Variants in GLB1L2 observed in about 807,000 individuals in gnomAD.
GLB1L2 encodes the protein beta-galactosidase-1-like protein 2.
GLB1L2 carries 68 observed loss-of-function variants against 84.1 expected under a neutral mutation model. That is an observed-to-expected ratio of 0.81 (90% CI 0.67 to 0.99). GLB1L2 has a LOEUF of 0.99. Ranked by LOEUF, GLB1L2 falls within the 50% of genes least tolerant of loss-of-function variation. GLB1L2 has a pLI of 0.00. For missense variants in GLB1L2, 762 were observed against 805.6 expected, an observed-to-expected ratio of 0.95 and a Z score of 0.66; for synonymous variants, 290 against 318.0, an observed-to-expected ratio of 0.91 and a Z score of 0.94.
At position 134,332,032 on chromosome 11, in the gene GLB1L2, A is replaced by G; in HGVS notation, c.-30A>G. On this transcript the variant is annotated 5_prime_UTR_variant, in exon 1 of 19. Coordinates refer to ENST00000535456, the MANE Select transcript of GLB1L2 (RefSeq NM_001370461.1). ...CGGCTGAGTGCGGACTGGAGTGGGA[A>G]CCCGGGTCCCCGCGCTTAGAGAACA... The G allele has an allele frequency of 1.3e-6, 2 of 1,503,684 alleles. No homozygotes were observed. The highest frequency in any genetic ancestry group is 2.6e-5 in the East Asian group (1 of 38,604). 93.1% of individuals were successfully genotyped at this position (1,503,684 alleles called of 1,614,324 possible). A position where few individuals can be genotyped will look rare whatever the true frequency, so the allele number is the denominator to read the frequency against.
intron 5 of GLB1L2, among the ~76,000 whole-genome samples, chr11:134,351,707 C>T (rs1287332153): frequency 1.3e-5 from 2 of 152,180 alleles, no homozygotes; most frequent in African/African-American, 2.4e-5. Flanking sequence ...CCCATTTGAT[C>T]ATGGTTTATA....
intron 7 of GLB1L2, chr11:134,359,504 C>G (rs1943752707): frequency 5.5e-6 from 1 of 183,094 alleles, no homozygotes; most frequent in Admixed American, 6.2e-5. Context: ...CTCCATTCCG[C>G]CTGGCACCTA....
intron 15 of GLB1L2, among the ~76,000 whole-genome samples, chr11:134,373,065 C>G (rs910415807): frequency 6.6e-6 from 1 of 152,176 alleles, no homozygotes; most frequent in East Asian, 1.9e-4. Flanking sequence ...GAGAAATGCG[C>G]GTGCCCACAT....
At chr11:134,345,996 T>C (rs996373772) in intron 4 of GLB1L2, among the ~76,000 whole-genome samples, 4 of 152,138 alleles carry the variant, frequency 2.6e-5, no homozygotes, top group African/African-American at 4.8e-5. Context: ...CTCAACATTG[T>C]GGCCTTTAAG....
At position 134,370,811 on chromosome 11, in the gene GLB1L2, C is replaced by T. The variant is rs1356335529; in HGVS notation, c.1216-197C>T. Among the ~76,000 whole-genome samples, 4 of 152,176 alleles carry T rather than the reference C, an allele frequency of 2.6e-5. No homozygotes were observed. Among genetic ancestry groups the T allele is most frequent in the African/African-American group, 4.8e-5 (2 of 41,442 alleles). On this transcript the variant is annotated intron_variant, in intron 12 of 18. Transcript: ENST00000535456. This position sits in a 1 kb window ranked among gnomAD's most constrained non-coding sequence, Gnocchi z 4.7. ...GTGTCCCCTGCCTGCGGACTGCACT[C>T]TGCTGGTGCACACCCCTTTGCCCCA...
chr11:134,342,823 G>A lies in GLB1L2; in HGVS notation c.156G>A (p.Trp52Ter), dbSNP rs751462054. ...AGCTGGGGCTGCAGGCCAAGGGCTG[G>A]AACTTCATGCTGGAGGATTCCACCT... ...HRQLGLQAKGWNFMLEDSTFW... is the reference protein window; with the variant it reads ...HRQLGLQAKG The change falls in exon 2 of 19, where the codon TGG (tryptophan) becomes TGA (stop). Residue 52 changes from tryptophan to a stop codon, truncating the protein, a stop_gained. Coordinates refer to ENST00000535456, the MANE Select transcript of GLB1L2 (RefSeq NM_001370461.1). LOFTEE classifies it high-confidence loss of function. The A allele has an allele frequency of 2.5e-6, 4 of 1,614,044 alleles. No individual in the cohort carries two copies. The Admixed American group carries it at 6.7e-5, about 27-fold the overall frequency.
rs946659432 is a variant in GLB1L2, at chr11:134,339,576, CTTG to C, written c.87-3172_87-3170del. ...GATAACAGCTAGATTGTTTTTTATT[CTTG>C]TTGTTTATTTCATTCCTCTTGCTAT... On this transcript the variant is annotated intron_variant, in intron 1 of 18. Transcript: ENST00000535456. This position sits in a 1 kb window ranked among gnomAD's most constrained non-coding sequence, Gnocchi z 5.7. Among the ~76,000 whole-genome samples, 2 of 151,920 alleles carry C rather than the reference CTTG, an allele frequency of 1.3e-5. No individual in the cohort carries two copies. The highest frequency in any genetic ancestry group is 4.8e-5 in the African/African-American group (2 of 41,378).
intron 1 of GLB1L2, among the ~76,000 whole-genome samples, chr11:134,337,947 TTA>T (rs1361555491): frequency 2.2e-4 from 33 of 152,202 alleles, no homozygotes; most frequent in Admixed American, 1.4e-3. Flanking sequence ...TGTGAACACG[TTA>T]TGTTATAGCA....
At chr11:134,365,644 A>G (rs1272316046) in intron 8 of GLB1L2, among the ~76,000 whole-genome samples, 1 of 152,234 alleles carries the variant, frequency 6.6e-6, no homozygotes, top group Non-Finnish European at 1.5e-5. Context: ...TTAGCCTTCA[A>G]GGTCATCCTT....
chr11:134,346,305 A>G (rs1424344281), intron 4 of GLB1L2: 1 of 152,846 alleles, frequency 6.5e-6, no homozygotes, highest in Non-Finnish European at 1.5e-5. Context: ...TGTGGATTAG[A>G]AAGCTGTGTG....
In GLB1L2 at chr11:134,370,449, C is replaced by T. The variant is rs530304754; in HGVS notation, c.1215+50C>T. The T allele has an allele frequency of 1.4e-5, 21 of 1,454,236 alleles. No homozygotes were observed. The highest frequency in any genetic ancestry group is 2.3e-5 in the East Asian group (1 of 44,010). The allele number at this position is 1,454,236 out of a possible 1,614,324, so 90.1% of individuals were successfully genotyped here. A position where few individuals can be genotyped will look rare whatever the true frequency, so the allele number is the denominator to read the frequency against. On this transcript the variant is annotated intron_variant, in intron 12 of 18. Transcript: ENST00000535456. The surrounding 1 kb of genome is among the most constrained non-coding windows in gnomAD (Gnocchi z 4.7). Reference sequence around the variant, plus strand: ...GAGGTGAGTGAGTGCCGGGGGCAGTCGTTGGCAGGGAGGTGAGTGCTGGGG... The same window carrying T: ...GAGGTGAGTGAGTGCCGGGGGCAGTTGTTGGCAGGGAGGTGAGTGCTGGGG...
rs115688592 is a variant in GLB1L2, at chr11:134,344,967, C to T, written c.354-67C>T. 3,130 of 1,523,674 alleles carry T rather than the reference C, an allele frequency of 2.1e-3. 8 individuals carry two copies. In the African/African-American group the frequency reaches 0.038, roughly 19 times the overall value. The allele number at this position is 1,523,674 out of a possible 1,614,324, so 94.4% of individuals were successfully genotyped here. A position where few individuals can be genotyped will look rare whatever the true frequency, so the allele number is the denominator to read the frequency against. ...CAGGCAGCTCCTCCACCCTGTGATG[C>T]GCGTGGCCCCCACCCGGCCTCATCC... On this transcript the variant is annotated intron_variant, in intron 3 of 18. Transcript: ENST00000535456.
intron 1 of GLB1L2, among the ~76,000 whole-genome samples, chr11:134,335,761 A>G (rs1283981471): frequency 6.6e-6 from 1 of 152,080 alleles, no homozygotes; most frequent in Non-Finnish European, 1.5e-5. Flanking sequence ...GTAGTCCTTG[A>G]TGAAGTGGTG....
intron 8 of GLB1L2, among the ~76,000 whole-genome samples, chr11:134,366,617 G>A (rs1181080517): frequency 6.6e-6 from 1 of 152,132 alleles, no homozygotes. Context: ...GCCTCCTTGG[G>A]GCCGTCCTAT....
intron 17 of GLB1L2, among the ~76,000 whole-genome samples, 157 bp downstream of exon 17, chr11:134,374,413 T>C (rs1449072870): frequency 1.3e-5 from 2 of 151,766 alleles, no homozygotes; most frequent in Non-Finnish European, 2.9e-5. Context: ...GAGGAGTGGG[T>C]TCCCAGCAGA....
rs2136257309 is a variant in GLB1L2, at chr11:134,338,080, G to T, written c.87-4674G>T. On this transcript the variant is annotated intron_variant, in intron 1 of 18. Coordinates refer to ENST00000535456, the MANE Select transcript of GLB1L2 (RefSeq NM_001370461.1). The surrounding 1 kb of genome is among the most constrained non-coding windows in gnomAD (Gnocchi z 6.2). ...GCTGGTGGCCAGCCTCGGACTGCGT[G>T]AGTGCTGCCTGGTCTCCACCGGCGG... Among the ~76,000 whole-genome samples, 1 of 152,300 alleles carries T rather than the reference G, an allele frequency of 6.6e-6. No homozygotes were observed. Among genetic ancestry groups the T allele is most frequent in the African/African-American group, 2.4e-5 (1 of 41,572 alleles).
At chr11:134,357,294 C>T (rs1294427190) in intron 6 of GLB1L2, among the ~76,000 whole-genome samples, 13 of 152,238 alleles carry the variant, frequency 8.5e-5, no homozygotes, top group Non-Finnish European at 1.5e-5. Context: ...ACGTGGGAGA[C>T]CGAGGCTCAG....
At chr11:134,348,074 T>C (rs1943575930) in intron 5 of GLB1L2, among the ~76,000 whole-genome samples, 1 of 152,152 alleles carries the variant, frequency 6.6e-6, no homozygotes, top group Non-Finnish European at 1.5e-5. Context: ...ACCCAGTTGC[T>C]GTGTAAAACC....
Position 134,374,126 on chromosome 11 carries a change from C to T in GLB1L2, c.1596-19C>T, listed in dbSNP as rs367577423. 1 of 1,568,008 alleles carries T rather than the reference C, an allele frequency of 6.4e-7. No individual in the cohort carries two copies. The highest frequency in any genetic ancestry group is 8.8e-7 in the Non-Finnish European group (1 of 1,138,224). On this transcript the variant is annotated intron_variant, in intron 16 of 18. Transcript: ENST00000535456. ...TGAGAAGGGCCTCCTCCCTCTCCTTCTCTGTGTTCTGTCCTTAGGTTCGGC... is the reference window on the plus strand; with the variant it reads ...TGAGAAGGGCCTCCTCCCTCTCCTTTTCTGTGTTCTGTCCTTAGGTTCGGC...
Sources: allele counts gnomAD v4.1 joint callset (sites outside exome capture counted in the v4.1 genomes callset), GRCh38; gene constraint gnomAD v4.1.1; non-coding constraint Gnocchi (gnomAD v3.1); transcripts MANE v1.5; gene names NCBI Gene and HGNC (gene_info 2026-07-23, HGNC 2026-07-21).